Variants in GNB5 observed in about 807,000 individuals in gnomAD.
GNB5 encodes the protein guanine nucleotide-binding protein subunit beta-5.
A neutral mutation model predicts 55.3 loss-of-function variants in GNB5; 37 were observed. That is an observed-to-expected ratio of 0.67 (90% CI 0.51 to 0.88). The LOEUF is 0.88. GNB5 is among the 40% of genes least tolerant of loss of function. The pLI is 0.00. For synonymous variants in GNB5, 219 were observed against 198.5 expected, an observed-to-expected ratio of 1.10 and a Z score of -0.87; for missense variants, 476 against 515.3, an observed-to-expected ratio of 0.92 and a Z score of 0.74.
chr15:52,178,094 ATAAG>A (rs769669452), intron 3 of GNB5, among the ~76,000 whole-genome samples: 3 of 152,232 alleles, frequency 2.0e-5, no homozygotes, highest in South Asian at 4.1e-4. Context: ...GCACTATTGA[ATAAG>A]TGAGTTTCTG....
Position 52,179,153 on chromosome 15 carries a change from G to A in GNB5, c.238+615C>T, listed in dbSNP as rs544471039. On this transcript the variant is annotated intron_variant, in intron 3 of 12. Coordinates refer to ENST00000261837, the MANE Select transcript of GNB5 (RefSeq NM_016194.4). ...CTTTTTTATGCCAATCCACCACATC[G>A]ATCCAAAAGCTTTTTAAACAGCCTT... 9.9e-5 allele frequency among the ~76,000 whole-genome samples: 15 copies of A among 152,246 alleles called. No homozygotes were observed. In the South Asian group the frequency reaches 3.1e-3, roughly 32 times the overall value.
In GNB5 at chr15:52,133,484, T is replaced by C. The variant is rs753219047; in HGVS notation, c.772-15A>G. 6.4e-7 allele frequency: 1 copy of C among 1,563,100 alleles called. No individual in the cohort carries two copies. The highest frequency in any genetic ancestry group is 8.8e-7 in the Non-Finnish European group (1 of 1,133,364). ...TTGTCACATCCCTACAAATGAAAATTAGCCAGAGTTATGGCCACTTTAAGG... is the reference window on the plus strand; with the variant it reads ...TTGTCACATCCCTACAAATGAAAATCAGCCAGAGTTATGGCCACTTTAAGG... On this transcript the variant is annotated splice_polypyrimidine_tract_variant and intron_variant, in intron 8 of 12. Coordinates refer to ENST00000261837, the MANE Select transcript of GNB5 (RefSeq NM_016194.4).
At chr15:52,143,168 A>G (rs560790407) in intron 6 of GNB5, among the ~76,000 whole-genome samples, 201 of 148,854 alleles carry the variant, frequency 1.4e-3, no homozygotes, top group African/African-American at 3.7e-3. Flanking sequence ...AAAAAAGAGA[A>G]AAAAAAAAAA....
At chr15:52,125,823 A>T in intron 11 of GNB5, 125 bp downstream of exon 11, 1 of 618,818 alleles carries the variant, frequency 1.6e-6, no homozygotes, top group East Asian at 2.8e-5. Context: ...GCAAATATGG[A>T]TGATTTCGCA....
chr15:52,122,054 T>A lies in GNB5; in HGVS notation c.*703A>T, dbSNP rs1381900989. On this transcript the variant is annotated 3_prime_UTR_variant, in exon 13 of 13. Transcript: ENST00000261837. ...CAAACACCATTGGCTTTCCCTTCAA[T>A]TCAGAGAAAACGCCCTGTCCAAGTG... The A allele has an allele frequency of 1.3e-5, 2 of 152,142 alleles. No individual in the cohort carries two copies. Among genetic ancestry groups the A allele is most frequent in the Non-Finnish European group, 1.5e-5 (1 of 68,030 alleles). 9.4% of individuals were successfully genotyped at this position (152,142 alleles called of 1,614,324 possible). A position where few individuals can be genotyped will look rare whatever the true frequency, so the allele number is the denominator to read the frequency against.
chr15:52,180,563 G>T (rs990855624), intron 2 of GNB5: 5 of 152,254 alleles, frequency 3.3e-5, no homozygotes, highest in African/African-American at 1.2e-4. Context: ...TCAGGTCCCT[G>T]GCCTGGGGGC....
rs563275264 is a variant in GNB5 at position 52,168,499 on chromosome 15, T to C, written c.238+11269A>G. On this transcript the variant is annotated intron_variant, in intron 3 of 12. Coordinates refer to ENST00000261837, the MANE Select transcript of GNB5 (RefSeq NM_016194.4). ...AAACAAATGGAAAAACATTCCATGC[T>C]TATGGATAGGAAGAATCAATACAGT... is the stretch of plus-strand genomic sequence containing the variant. Among the ~76,000 whole-genome samples the C allele has an allele frequency of 1.5e-3, 233 of 152,326 alleles. 1 individual carries two copies. Among genetic ancestry groups the C allele is most frequent in the African/African-American group, 5.3e-3 (219 of 41,570 alleles).
At chr15:52,172,576 T>C (rs2141233164) in intron 3 of GNB5, among the ~76,000 whole-genome samples, 1 of 151,996 alleles carries the variant, frequency 6.6e-6, no homozygotes, top group African/African-American at 2.4e-5. Context: ...GCCCAGGAGA[T>C]CAAGACCAGC....
chr15:52,165,181 T>C (rs2062319923), intron 3 of GNB5, among the ~76,000 whole-genome samples: 1 of 152,002 alleles, frequency 6.6e-6, no homozygotes, highest in African/African-American at 2.4e-5. Context: ...TGAAAAGGAA[T>C]GAACAAAACC....
At chr15:52,156,598 G>T (rs1022562256) in intron 3 of GNB5, among the ~76,000 whole-genome samples, 1 of 152,174 alleles carries the variant, frequency 6.6e-6, no homozygotes, top group Non-Finnish European at 1.5e-5. Context: ...GGATGTGGTG[G>T]CACATATCTG....
chr15:52,175,792 T>C (rs866851005), intron 3 of GNB5, among the ~76,000 whole-genome samples: 1 of 151,764 alleles, frequency 6.6e-6, no homozygotes, highest in African/African-American at 2.4e-5. Flanking sequence ...GGGTCACACC[T>C]GTAATCCCAG....
At chr15:52,137,729 C>T in intron 7 of GNB5, 2 of 1,189,622 alleles carry the variant, frequency 1.7e-6, no homozygotes, top group Non-Finnish European at 2.1e-6. Flanking sequence ...GCAGTGAGGA[C>T]TCAGGGTTCG....
chr15:52,139,774 C>A (rs557000219), intron 7 of GNB5: 3 of 1,216,744 alleles, frequency 2.5e-6, no homozygotes, highest in South Asian at 1.4e-5. Context: ...CCTTTATCTC[C>A]GGCTAAGCTG....
rs993407018 is a variant in GNB5, at chr15:52,122,633, T to A, written c.*124A>T. On this transcript the variant is annotated 3_prime_UTR_variant, in exon 13 of 13. Coordinates refer to ENST00000261837, the MANE Select transcript of GNB5 (RefSeq NM_016194.4). ...CATATTGGAGACGCTTAGTGACCTG[T>A]GAGCCATGGGTTGCTCCCCTAAGCT... The A allele has an allele frequency of 2.6e-6, 2 of 772,824 alleles. No individual in the cohort carries two copies. Among genetic ancestry groups the A allele is most frequent in the Admixed American group, 1.9e-5 (1 of 52,588 alleles). The allele number at this position is 772,824 out of a possible 1,614,324, so 47.9% of individuals were successfully genotyped here. A position where few individuals can be genotyped will look rare whatever the true frequency, so the allele number is the denominator to read the frequency against.
chr15:52,120,940 A>G lies in GNB5; in HGVS notation c.*1817T>C, dbSNP rs953371529. On this transcript the variant is annotated 3_prime_UTR_variant, in exon 13 of 13. Transcript: ENST00000261837. The stretch of plus-strand genomic sequence containing the variant: ...GTAACTGCTCTGCAAATGATCAAAT[A>G]TAATTATTATGTTTATTTGAAGTGA... The G allele has an allele frequency of 6.6e-6, 1 of 152,254 alleles. No homozygotes were observed. The highest frequency in any genetic ancestry group is 6.5e-5 in the Admixed American group (1 of 15,292). The allele number at this position is 152,254 out of a possible 1,614,324, so 9.4% of individuals were successfully genotyped here. A position where few individuals can be genotyped will look rare whatever the true frequency, so the allele number is the denominator to read the frequency against.
intron 6 of GNB5, among the ~76,000 whole-genome samples, chr15:52,144,940 C>T (rs74730909): frequency 0.032 from 4,866 of 152,246 alleles, 274 homozygotes; most frequent in African/African-American, 0.11. Context: ...GGGTCTCCTC[C>T]TTTGGTTGGT....
chr15:52,176,671 A>G (rs1219329061), intron 3 of GNB5, among the ~76,000 whole-genome samples: 2 of 152,324 alleles, frequency 1.3e-5, no homozygotes, highest in African/African-American at 4.8e-5. Context: ...AGGCTCTCTG[A>G]TAAGAGGGAA....
Position 52,171,452 on chromosome 15 carries a change from A to G in GNB5, c.238+8316T>C, listed in dbSNP as rs531671436. On this transcript the variant is annotated intron_variant, in intron 3 of 12. Coordinates refer to ENST00000261837, the MANE Select transcript of GNB5 (RefSeq NM_016194.4). ...GACTTGTTTTCTTCTATATTTCTAGATTTTTCCACAGTGAGCATTTGTTTA... is the reference window on the plus strand; with the variant it reads ...GACTTGTTTTCTTCTATATTTCTAGGTTTTTCCACAGTGAGCATTTGTTTA... 8.5e-5 allele frequency among the ~76,000 whole-genome samples: 13 copies of G among 152,308 alleles called. No individual in the cohort carries two copies. The South Asian group carries it at 2.7e-3, about 32-fold the overall frequency.
intron 3 of GNB5, among the ~76,000 whole-genome samples, chr15:52,162,589 A>T (rs532433939): frequency 4.5e-4 from 69 of 152,350 alleles, no homozygotes; most frequent in African/African-American, 1.6e-3. Context: ...ATCTGGAATC[A>T]CTTTCAAATT....
Sources: allele counts gnomAD v4.1 joint callset (sites outside exome capture counted in the v4.1 genomes callset), GRCh38; gene constraint gnomAD v4.1.1; transcripts MANE v1.5; gene names NCBI Gene and HGNC (gene_info 2026-07-23, HGNC 2026-07-21).